DNAJC10: variants seen among roughly 807,000 people sequenced by gnomAD.
DNAJC10 encodes DnaJ heat shock protein family (Hsp40) member C10.
Under a neutral mutation model 115.0 loss-of-function variants are expected in DNAJC10, and 101 were observed. That is an observed-to-expected ratio of 0.88 (90% CI 0.75 to 1.04). The LOEUF is 1.04. Ranked by LOEUF, DNAJC10 falls within the 50% of genes least tolerant of loss-of-function variation. The pLI is 0.00. For synonymous variants in DNAJC10, 307 were observed against 301.5 expected (o/e 1.02, Z -0.19); for missense variants, 981 against 928.8 (o/e 1.06, Z -0.73).
chr2:182,727,021 T>C (rs1002244544), intron 5 of DNAJC10, among the ~76,000 whole-genome samples: 15 of 151,084 alleles, frequency 9.9e-5, no homozygotes, highest in African/African-American at 3.7e-4. Context: ...GCGCCCAGCC[T>C]ATTTTCTAAT....
At position 182,743,720 on chromosome 2, in the gene DNAJC10, T is replaced by C. The variant is rs758818250; in HGVS notation, c.1306+8T>C. 2.6e-6 allele frequency: 4 copies of C among 1,540,132 alleles called. No individual in the cohort carries two copies. Among genetic ancestry groups the C allele is most frequent in the South Asian group, 2.4e-5 (2 of 84,626 alleles). On this transcript the variant is annotated splice_region_variant and intron_variant, in intron 14 of 23. Transcript: ENST00000264065. Reference sequence around the variant, plus strand: ...AATATGAAATTCATCATGGTAAGAATGGAAAAAAATGATAAAAAAAAACTT... The same window carrying C: ...AATATGAAATTCATCATGGTAAGAACGGAAAAAAATGATAAAAAAAAACTT...
At chr2:182,750,855 G>A (rs1431047740) in intron 14 of DNAJC10, among the ~76,000 whole-genome samples, 1 of 152,092 alleles carries the variant, frequency 6.6e-6, no homozygotes, top group Non-Finnish European at 1.5e-5. Context: ...ATAATCTTAT[G>A]GGACCCCATC....
At chr2:182,768,431 G>C (rs1694472259) in intron 22 of DNAJC10, among the ~76,000 whole-genome samples, 1 of 152,128 alleles carries the variant, frequency 6.6e-6, no homozygotes. Context: ...GGAGTCCAGG[G>C]GACAAAGTTA....
At chr2:182,733,384 T>A (rs1693500252) in intron 10 of DNAJC10, among the ~76,000 whole-genome samples, 1 of 151,912 alleles carries the variant, frequency 6.6e-6, no homozygotes, top group Non-Finnish European at 1.5e-5. Flanking sequence ...TGCCTAGGCC[T>A]TTAGTTTTTC....
intron 22 of DNAJC10, among the ~76,000 whole-genome samples, chr2:182,770,474 G>A (rs1346004769): frequency 6.6e-6 from 1 of 152,018 alleles, no homozygotes; most frequent in African/African-American, 2.4e-5. Context: ...ATTTGTTTGT[G>A]TCCTCTTTTA....
At chr2:182,749,161 G>A (rs1301923044) in intron 14 of DNAJC10, among the ~76,000 whole-genome samples, 1 of 150,186 alleles carries the variant, frequency 6.7e-6, no homozygotes, top group Non-Finnish European at 1.5e-5. Context: ...TTCTGTAGAT[G>A]TCTATTAGGT....
chr2:182,724,997 A>G (rs926761801), intron 5 of DNAJC10, among the ~76,000 whole-genome samples: 1 of 152,168 alleles, frequency 6.6e-6, no homozygotes, highest in African/African-American at 2.4e-5. Context: ...TAGCAACCCT[A>G]CATCAAGCGA....
chr2:182,778,248 G>C lies in DNAJC10; in HGVS notation c.*1116G>C, dbSNP rs1694761445. 6.6e-6 allele frequency: 1 copy of C among 152,078 alleles called. No homozygotes were observed. Among genetic ancestry groups the C allele is most frequent in the South Asian group, 2.1e-4 (1 of 4,822 alleles). The allele number at this position is 152,078 out of a possible 1,614,324, so 9.4% of individuals were successfully genotyped here. A position where few individuals can be genotyped will look rare whatever the true frequency, so the allele number is the denominator to read the frequency against. On this transcript the variant is annotated 3_prime_UTR_variant, in exon 24 of 24. Transcript: ENST00000264065. ...TACTGTAGCTTATAATGATACTGTA[G>C]TTATTCCAGTTACTAGTTTACTGTC... is the stretch of plus-strand genomic sequence containing the variant.
chr2:182,762,895 C>A, intron 22 of DNAJC10, 94 bp downstream of exon 22: 4 of 1,326,340 alleles, frequency 3.0e-6, no homozygotes, highest in Non-Finnish European at 4.1e-6. Context: ...GTTTTCTCAT[C>A]CTTGTCATTT....
intron 16 of DNAJC10, among the ~76,000 whole-genome samples, chr2:182,753,587 T>TTTTG (rs1694081586): frequency 7.2e-6 from 1 of 139,562 alleles, no homozygotes; most frequent in Non-Finnish European, 1.6e-5. Context: ...TAGTTTTTTT[T>TTTTG]TTTTTTTTTT....
intron 14 of DNAJC10, among the ~76,000 whole-genome samples, chr2:182,748,786 G>A (rs2105661576): frequency 6.6e-6 from 1 of 151,998 alleles, no homozygotes; most frequent in African/African-American, 2.4e-5. Flanking sequence ...TTCTCTTGTG[G>A]GCATTTAGTG....
intron 14 of DNAJC10, among the ~76,000 whole-genome samples, chr2:182,748,613 TTCTC>T (rs535974931): frequency 4.6e-5 from 7 of 152,208 alleles, no homozygotes; most frequent in South Asian, 2.1e-4. Flanking sequence ...TATTTGATTC[TTCTC>T]TCTTTTTTTC....
rs1288217555 is a variant in DNAJC10 at position 182,731,085 on chromosome 2, C to A, written c.783C>A (p.Ile261=). ...TTGCTGCTGGTATTGGCTGGCTGAT[C>A]ACTTTTTGTTCAAAAGGAGGAGGTA... ...TAFAAGIGWL[I]TFCSKGGDCL... Residue 261 remains isoleucine (I), a synonymous_variant, in exon 9 of 24, where the codon ATC becomes ATA. Coordinates refer to ENST00000264065, the MANE Select transcript of DNAJC10 (RefSeq NM_018981.4). 1 of 1,612,348 alleles carries A rather than the reference C, an allele frequency of 6.2e-7. No homozygotes were observed. The highest frequency in any genetic ancestry group is 8.5e-7 in the Non-Finnish European group (1 of 1,179,150).
At chr2:182,729,684 G>A (rs1277967458) in intron 7 of DNAJC10, among the ~76,000 whole-genome samples, 164 bp from the exon 8 acceptor site, 1 of 152,086 alleles carries the variant, frequency 6.6e-6, no homozygotes, top group Non-Finnish European at 1.5e-5. Flanking sequence ...AATCTGTACT[G>A]TCAAGATTAT....
At position 182,752,685 on chromosome 2, in the gene DNAJC10, C is replaced by T. The variant is rs907569831; in HGVS notation, c.1551+497C>T. 2.2e-5 allele frequency: 8 copies of T among 357,672 alleles called. No individual in the cohort carries two copies. In the East Asian group the frequency reaches 5.1e-4, roughly 23 times the overall value. The allele number at this position is 357,672 out of a possible 1,614,324, so 22.2% of individuals were successfully genotyped here. On this transcript the variant is annotated intron_variant, in intron 16 of 23. Coordinates refer to ENST00000264065, the MANE Select transcript of DNAJC10 (RefSeq NM_018981.4). ...AATTATATACCGTAGAATGAAAGTA[C>T]GTAATATCACGTATAAAATACTTTG...
rs1307319429 is a variant in DNAJC10, at chr2:182,790,520, T to A, written c.*13388T>A. ...AATAGTAAGGGCCAGGCACAGTGGC[T>A]CACACCTGAAATCCCAGCGCTTTGG... On this transcript the variant is annotated 3_prime_UTR_variant, in exon 24 of 24. Coordinates refer to ENST00000264065, the MANE Select transcript of DNAJC10 (RefSeq NM_018981.4). 2.0e-5 allele frequency: 3 copies of A among 152,098 alleles called. No individual in the cohort carries two copies. Among genetic ancestry groups the A allele is most frequent in the Non-Finnish European group, 4.4e-5 (3 of 68,028 alleles). 9.4% of individuals were successfully genotyped at this position (152,098 alleles called of 1,614,324 possible).
chr2:182,738,433 G>A (rs1693640653), intron 11 of DNAJC10, among the ~76,000 whole-genome samples: 1 of 152,144 alleles, frequency 6.6e-6, no homozygotes, highest in African/African-American at 2.4e-5. Flanking sequence ...AAATTACAAG[G>A]TCAAAGGCTG....
In DNAJC10 at chr2:182,793,501, T is replaced by C. The variant is rs766425006; in HGVS notation, c.*16369T>C. 9 of 152,130 alleles carry C rather than the reference T, an allele frequency of 5.9e-5. No homozygotes were observed. Among genetic ancestry groups the C allele is most frequent in the Non-Finnish European group, 1.3e-4 (9 of 68,024 alleles). The allele number at this position is 152,130 out of a possible 1,614,324, so 9.4% of individuals were successfully genotyped here. On this transcript the variant is annotated 3_prime_UTR_variant, in exon 24 of 24. Coordinates refer to ENST00000264065, the MANE Select transcript of DNAJC10 (RefSeq NM_018981.4). ...CAGAAGACATTCAGAGAGCTCTGCT[T>C]TGCGAGGTATGCAGTGAACATTCAT... is the stretch of plus-strand genomic sequence containing the variant.
Position 182,730,920 on chromosome 2 carries a change from G to C in DNAJC10, c.728-110G>C. On this transcript the variant is annotated intron_variant, in intron 8 of 23. Coordinates refer to ENST00000264065, the MANE Select transcript of DNAJC10 (RefSeq NM_018981.4). The stretch of plus-strand genomic sequence containing the variant: ...GGAAAGATAACTGGTAAAACTCAGA[G>C]TGGATTAGAAGAGGGTGAGATTAGA... 6.1e-6 allele frequency: 4 copies of C among 652,512 alleles called. No homozygotes were observed. In the South Asian group the frequency reaches 6.8e-5, roughly 11 times the overall value. The allele number at this position is 652,512 out of a possible 1,614,324, so 40.4% of individuals were successfully genotyped here.
Sources: gnomAD v4.1 joint callset for allele counts (sites outside exome capture counted in the v4.1 genomes callset) on GRCh38, gnomAD v4.1.1 for gene constraint, MANE v1.5 for transcripts, NCBI Gene and HGNC (gene_info 2026-07-23, HGNC 2026-07-21) for gene names.